The following LRWD1 variants were observed in gnomAD, a reference collection of about 807,000 sequenced individuals.
LRWD1 encodes the protein leucine rich repeats and WD repeat domain containing 1, also known as leucine-rich repeat and WD repeat-containing protein 1.
A neutral mutation model predicts 75.6 loss-of-function variants in LRWD1; 76 were observed. That is an observed-to-expected ratio of 1.01 (90% CI 0.84 to 1.22). The LOEUF (loss-of-function observed/expected upper bound fraction) is 1.22. LRWD1 is among the 50% of genes most tolerant of loss of function. The pLI is 0.00. For synonymous variants in LRWD1, 487 were observed against 377.0 expected (o/e 1.29, Z -3.38); for missense variants, 917 against 862.0 (o/e 1.06, Z -0.80).
At chr7:102,467,171 G>GGTGTGTGTGTGTGTGT (rs1209487514) in intron 3 of LRWD1, among the ~76,000 whole-genome samples, 168 bp from the exon 4 acceptor site, 2 of 99,116 alleles carry the variant, frequency 2.0e-5, no homozygotes, top group Non-Finnish European at 3.9e-5. Flanking sequence ...GTGTGTGTGG[G>GGTGTGTGTGTGTGTGT]GTGTGTGTGT....
chr7:102,472,431 C>G, intron 12 of LRWD1, 23 bp from the exon 13 acceptor site: 3 of 1,540,604 alleles, frequency 1.9e-6, no homozygotes, highest in Non-Finnish European at 2.6e-6. Flanking sequence ...CCACCCTGCA[C>G]AGCTCTCCCT....
At position 102,465,294 on chromosome 7, in the gene LRWD1, T is replaced by A. The variant is rs1346738190; in HGVS notation, c.80+134T>A. The A allele has an allele frequency of 1.2e-5, 11 of 921,908 alleles. No homozygotes were observed. The African/African-American group carries it at 1.9e-4, about 16-fold the overall frequency. The allele number at this position is 921,908 out of a possible 1,614,324, so 57.1% of individuals were successfully genotyped here. A position where few individuals can be genotyped will look rare whatever the true frequency, so the allele number is the denominator to read the frequency against. ...TCGGCAGAGTGGTCCAAATGTCTTC[T>A]TGTTGGGAGATCGTGGCCCCACCCG... On this transcript the variant is annotated intron_variant, in intron 1 of 14. Coordinates refer to ENST00000292616, the MANE Select transcript of LRWD1 (RefSeq NM_152892.3).
At position 102,469,901 on chromosome 7, in the gene LRWD1, C is replaced by T. The variant is rs1487445916; in HGVS notation, c.1442+19C>T. 4.6e-6 allele frequency: 7 copies of T among 1,506,788 alleles called. No individual in the cohort carries two copies. Among genetic ancestry groups the T allele is most frequent in the African/African-American group, 2.8e-5 (2 of 72,216 alleles). 93.3% of individuals were successfully genotyped at this position (1,506,788 alleles called of 1,614,324 possible). A position where few individuals can be genotyped will look rare whatever the true frequency, so the allele number is the denominator to read the frequency against. ...AGAGGAGGTGAGGCTGGGCAGGGGG[C>T]GCCTTGGAAGCCAGGCCTCTGCAGA... is the stretch of plus-strand genomic sequence containing the variant. On this transcript the variant is annotated intron_variant, in intron 11 of 14. Coordinates refer to ENST00000292616, the MANE Select transcript of LRWD1 (RefSeq NM_152892.3).
intron 7 of LRWD1, 46 bp from the exon 8 acceptor site, chr7:102,468,508 T>A (rs1563655518): frequency 6.4e-7 from 1 of 1,550,454 alleles, no homozygotes; most frequent in Admixed American, 2.0e-5. Flanking sequence ...AGGACCTAGA[T>A]GGGAAATGTC....
Position 102,468,094 on chromosome 7 carries a change from C to A in LRWD1, c.711C>A (p.Asp237Glu), listed in dbSNP as rs771146660. 5 of 1,609,626 alleles carry A rather than the reference C, an allele frequency of 3.1e-6. No homozygotes were observed. In the South Asian group the frequency reaches 5.5e-5, roughly 18 times the overall value. ...TGGCGGCCTTGAAACGGCCAGACGA[C>A]GTCCCACTCAGCCTCTCTCCCAGCA... ...ARLAALKRPDDVPLSLSPSKR... is the reference protein window; with the variant it reads ...ARLAALKRPDEVPLSLSPSKR... Residue 237 changes from aspartate to glutamate, a missense_variant, in exon 6 of 15, where the codon GAC (aspartate) becomes GAA (glutamate). Coordinates refer to ENST00000292616, the MANE Select transcript of LRWD1 (RefSeq NM_152892.3).
intron 10 of LRWD1, 30 bp downstream of exon 10, chr7:102,469,676 C>G (rs754421405): frequency 6.2e-7 from 1 of 1,613,862 alleles, no homozygotes; most frequent in Admixed American, 1.7e-5. Context: ...TGGGGAGTGG[C>G]CAGCTGCTGG....
chr7:102,467,171 GGTGTGTGTGTGTGTGT>G (rs1209487514), intron 3 of LRWD1, among the ~76,000 whole-genome samples, 152 bp from the exon 4 acceptor site: 9 of 99,116 alleles, frequency 9.1e-5, no homozygotes, highest in South Asian at 6.9e-4. Context: ...GTGTGTGTGG[GGTGTGTGTGTGTGTGT>G]GTGTGTGTGT....
At chr7:102,465,727 C>T (rs751655808) in intron 1 of LRWD1, 90 bp from the exon 2 acceptor site, 12 of 894,726 alleles carry the variant, frequency 1.3e-5, no homozygotes, top group Non-Finnish European at 5.4e-6. Flanking sequence ...CGAGAAATGT[C>T]AGGTGAAAAA....
intron 3 of LRWD1, among the ~76,000 whole-genome samples, 168 bp from the exon 4 acceptor site, chr7:102,467,171 G>GTGTGTGTGTATGTGT (rs1554579596): frequency 0.011 from 1,121 of 99,120 alleles, 67 homozygotes; most frequent in Middle Eastern, 0.024. Flanking sequence ...GTGTGTGTGG[G>GTGTGTGTGTATGTGT]GTGTGTGTGT....
intron 9 of LRWD1, among the ~76,000 whole-genome samples, chr7:102,469,331 G>T (rs1279761607): frequency 6.6e-6 from 1 of 152,244 alleles, no homozygotes; most frequent in Non-Finnish European, 1.5e-5. Flanking sequence ...GCCCCCGGGT[G>T]TGGCGCCCCT....
chr7:102,472,692 A>G lies in LRWD1; in HGVS notation c.1691A>G (p.Asp564Gly). 1.2e-6 allele frequency: 2 copies of G among 1,613,464 alleles called. No homozygotes were observed. Among genetic ancestry groups the G allele is most frequent in the Non-Finnish European group, 1.7e-6 (2 of 1,179,924 alleles). Reference sequence around the variant, plus strand: ...TCAGACTCCACCTCTGTCCCGGCAGATAAGGGGATTGTGCTCTGTGGGGAT... The same window carrying G: ...TCAGACTCCACCTCTGTCCCGGCAGGTAAGGGGATTGTGCTCTGTGGGGAT... ...LAYFSLSACP[D>G]KGIVLCGDEE... is the part of the protein sequence containing the mutation. The change falls in exon 14 of 15, where the codon GAT becomes GGT. Residue 564 changes from aspartate to glycine, a missense_variant and splice_region_variant. Transcript: ENST00000292616.
In LRWD1 at chr7:102,473,084, A is replaced by AACTAACTTATTCAGCTTT; in HGVS notation, c.*36_*53dup. 1 of 1,581,170 alleles carries AACTAACTTATTCAGCTTT rather than the reference A, an allele frequency of 6.3e-7. No individual in the cohort carries two copies. The highest frequency in any genetic ancestry group is 2.3e-5 in the East Asian group (1 of 43,426). ...ATCGCAAAGGACCAGGGACACAGCTAACTAACTTATTCAGCTTTGGGCCGA... is the reference window on the plus strand; with the variant it reads ...ATCGCAAAGGACCAGGGACACAGCTAACTAACTTATTCAGCTTTACTAACTTATTCAGCTTTGGGCCGA... On this transcript the variant is annotated 3_prime_UTR_variant, in exon 15 of 15. Coordinates refer to ENST00000292616, the MANE Select transcript of LRWD1 (RefSeq NM_152892.3).
chr7:102,471,700 ACACT>A (rs967131948), intron 11 of LRWD1: 19 of 160,050 alleles, frequency 1.2e-4, no homozygotes, highest in African/African-American at 4.6e-4. Flanking sequence ...ACACTCCCAC[ACACT>A]CTCAGCTCTG....
At chr7:102,467,168 T>TGTGG (rs1798021838) in intron 3 of LRWD1, among the ~76,000 whole-genome samples, 171 bp from the exon 4 acceptor site, 4 of 18,508 alleles carry the variant, frequency 2.2e-4, no homozygotes, top group African/African-American at 6.9e-4. Context: ...GGGGTGTGTG[T>TGTGG]GGGGTGTGTG....
In LRWD1 at chr7:102,468,978, G is replaced by C. The variant is rs763006469; in HGVS notation, c.1144G>C (p.Gly382Arg). Residue 382 changes from glycine (G) to arginine (R), a missense_variant, in exon 9 of 15, where the codon GGC (glycine) becomes CGC (arginine). Gly to Arg is a moderately radical substitution (Grantham distance 125). Transcript: ENST00000292616. ...GLVRLLHVRAGFCCGVIRAHK... is the reference protein window; with the variant it reads ...GLVRLLHVRARFCCGVIRAHK... ...GGTCCGGCTGCTGCACGTGCGTGCC[G>C]GCTTCTGCTGCGGGGTCATCCGAGC... is the stretch of plus-strand genomic sequence containing the variant. 1.2e-6 allele frequency: 2 copies of C among 1,612,540 alleles called. No individual in the cohort carries two copies. Among genetic ancestry groups the C allele is most frequent in the Non-Finnish European group, 1.7e-6 (2 of 1,179,824 alleles).
Position 102,469,775 on chromosome 7 carries a change from C to T in LRWD1, c.1335C>T (p.Pro445=), listed in dbSNP as rs1370277695. ...TCACACTGGACACCACCTCTATCCC[C>T]CTGCGCCTCTGCCCTGTCGCCTCCT... ...QLLTLDTTSI[P]LRLCPVASCP... The change falls in exon 11 of 15, where the codon CCC becomes CCT. Residue 445 remains proline, a synonymous_variant. Transcript: ENST00000292616. The T allele has an allele frequency of 1.9e-5, 31 of 1,609,920 alleles. No individual in the cohort carries two copies. Among genetic ancestry groups the T allele is most frequent in the Non-Finnish European group, 2.4e-5 (28 of 1,177,604 alleles).
intron 4 of LRWD1, 108 bp downstream of exon 4, chr7:102,467,587 G>T: frequency 6.5e-7 from 1 of 1,536,956 alleles, no homozygotes; most frequent in South Asian, 1.2e-5. Flanking sequence ...GGGTGAGTCA[G>T]GGTGGGCAGC....
chr7:102,468,125 G>A lies in LRWD1; in HGVS notation c.742G>A (p.Ala248Thr). 10 of 1,610,092 alleles carry A rather than the reference G, an allele frequency of 6.2e-6. No individual in the cohort carries two copies. Among genetic ancestry groups the A allele is most frequent in the Non-Finnish European group, 8.5e-6 (10 of 1,179,178 alleles). Reference protein sequence around the residue: ...VPLSLSPSKRACASPSAQVEG... With the variant: ...VPLSLSPSKRTCASPSAQVEG... ...ACTCAGCCTCTCTCCCAGCAAGCGG[G>A]CGTGTGCCTCCCCGTCGGCCCAGGT... The change falls in exon 6 of 15, where the codon GCG (alanine) becomes ACG (threonine). Residue 248 changes from alanine (A) to threonine (T), a missense_variant. Coordinates refer to ENST00000292616, the MANE Select transcript of LRWD1 (RefSeq NM_152892.3).
At chr7:102,467,070 G>GGTGTGTGT (rs59522694) in intron 3 of LRWD1, among the ~76,000 whole-genome samples, 9,438 of 133,452 alleles carry the variant, frequency 0.071, 467 homozygotes, top group African/African-American at 0.091. Flanking sequence ...GGTTGTTGCT[G>GGTGTGTGT]GTGTGTGTGT....
Sources: allele counts gnomAD v4.1 joint callset (sites outside exome capture counted in the v4.1 genomes callset), GRCh38; gene constraint gnomAD v4.1.1; transcripts MANE v1.5; gene names NCBI Gene and HGNC (gene_info 2026-07-23, HGNC 2026-07-21).